Variants in POU4F1 observed in about 807,000 individuals in gnomAD.
POU4F1 encodes POU domain, class 4, transcription factor 1.
In POU4F1, 5 loss-of-function variants were observed where a neutral mutation model predicts 19.8. The ratio of observed to expected loss-of-function variants is 0.25; its 90% CI spans 0.13 to 0.53. The LOEUF is 0.53. POU4F1 is among the 20% of genes least tolerant of loss of function. The probability of loss-of-function intolerance (pLI) is 0.96; values close to 1 mark genes in which losing one functional copy is unlikely to be tolerated. For synonymous variants in POU4F1, 266 were observed against 247.7 expected, an observed-to-expected ratio of 1.07 and a Z score of -0.69; for missense variants, 408 against 511.6, an observed-to-expected ratio of 0.80 and a Z score of 1.95.
chr13:78,601,904 G>T lies in POU4F1; in HGVS notation c.771C>A (p.Ser257=), dbSNP rs548391348. Residue 257 remains serine (S), a synonymous_variant, in exon 2 of 2, where the codon TCC becomes TCA. Coordinates refer to ENST00000377208, the MANE Select transcript of POU4F1 (RefSeq NM_006237.4). ...AAVVGAAGLA[S]ICDSDTDPRE... is the part of the protein sequence containing the mutation. ...GCGGGTCCGTGTCCGAGTCGCAGAT[G>T]GACGCCAGGCCCGCTGCGCCCACCA... 1.9e-5 allele frequency: 29 copies of T among 1,520,248 alleles called. No individual in the cohort carries two copies. The highest frequency in any genetic ancestry group is 2.4e-5 in the Non-Finnish European group (27 of 1,142,256). The allele number at this position is 1,520,248 out of a possible 1,614,324, so 94.2% of individuals were successfully genotyped here.
Position 78,603,393 on chromosome 13 carries a change from C to T in POU4F1, c.-67G>A. The T allele has an allele frequency of 6.6e-7, 1 of 1,516,522 alleles. No homozygotes were observed. The highest frequency in any genetic ancestry group is 8.8e-7 in the Non-Finnish European group (1 of 1,130,198). 93.9% of individuals were successfully genotyped at this position (1,516,522 alleles called of 1,614,324 possible). A position where few individuals can be genotyped will look rare whatever the true frequency, so the allele number is the denominator to read the frequency against. On this transcript the variant is annotated 5_prime_UTR_variant, in exon 1 of 2. Transcript: ENST00000377208. The stretch of plus-strand genomic sequence containing the variant: ...CCGCGGGAAAGTGCGTACGCCGGCT[C>T]ACCCGGCCTCCCTTCGGAGGCTGCA...
chr13:78,603,068 G>C, intron 1 of POU4F1, 136 bp downstream of exon 1: 1 of 649,182 alleles, frequency 1.5e-6, no homozygotes, highest in Non-Finnish European at 2.3e-6. Context: ...AACGTGCCTC[G>C]CTGCGGGACT....
In POU4F1 at chr13:78,601,893, G is replaced by C. The variant is rs1348224609; in HGVS notation, c.782C>G (p.Ser261Trp). Reference protein sequence around the residue: ...GAAGLASICDSDTDPRELEAF... With the variant: ...GAAGLASICDWDTDPRELEAF... ...CTCGAGCTCGCGCGGGTCCGTGTCC[G>C]AGTCGCAGATGGACGCCAGGCCCGC... The change falls in exon 2 of 2, where the codon TCG (serine) becomes TGG (tryptophan). Residue 261 changes from serine to tryptophan, a missense_variant. Ser to Trp is a radical substitution (Grantham distance 177). Around this residue, in one of 4 missense-constraint regions of POU4F1, gnomAD observed 294 missense variants for 288.2 expected, o/e 1.02. Transcript: ENST00000377208. The C allele has an allele frequency of 2.6e-6, 4 of 1,543,638 alleles. No homozygotes were observed. The highest frequency in any genetic ancestry group is 1.9e-5 in the Admixed American group (1 of 52,048).
chr13:78,599,167 A>C lies in POU4F1; in HGVS notation c.*2248T>G, dbSNP rs1030451860. On this transcript the variant is annotated 3_prime_UTR_variant, in exon 2 of 2. Coordinates refer to ENST00000377208, the MANE Select transcript of POU4F1 (RefSeq NM_006237.4). ...AAACACAAAAACGCACCCAAATCATAAAACTGCTCTTCTTTCAGTTATGTT... is the reference window on the plus strand; with the variant it reads ...AAACACAAAAACGCACCCAAATCATCAAACTGCTCTTCTTTCAGTTATGTT... The C allele has an allele frequency of 9.2e-5, 14 of 152,630 alleles. No individual in the cohort carries two copies. Among genetic ancestry groups the C allele is most frequent in the African/African-American group, 3.4e-4 (14 of 41,446 alleles). The allele number at this position is 152,630 out of a possible 1,614,324, so 9.5% of individuals were successfully genotyped here.
Position 78,600,806 on chromosome 13 carries a change from G to A in POU4F1, c.*609C>T, listed in dbSNP as rs1488316446. The A allele has an allele frequency of 6.5e-6, 1 of 152,924 alleles. No individual in the cohort carries two copies. Among genetic ancestry groups the A allele is most frequent in the African/African-American group, 2.4e-5 (1 of 41,438 alleles). 9.5% of individuals were successfully genotyped at this position (152,924 alleles called of 1,614,324 possible). ...CGTTTGGTTTTCGTTTTTCGACTCA[G>A]TTCGTGCGTGTAGGGTTGGGGAGGT... On this transcript the variant is annotated 3_prime_UTR_variant, in exon 2 of 2. Transcript: ENST00000377208.
rs985232338 is a variant in POU4F1 at position 78,598,777 on chromosome 13, G to C, written c.*2638C>G. ...GCCATTCAGTTACTAGGTGTTTTTA[G>C]GGTAGAATATCACATCTAAACCTCC... is the stretch of plus-strand genomic sequence containing the variant. On this transcript the variant is annotated 3_prime_UTR_variant, in exon 2 of 2. Coordinates refer to ENST00000377208, the MANE Select transcript of POU4F1 (RefSeq NM_006237.4). 5.9e-5 allele frequency: 9 copies of C among 152,114 alleles called. No individual in the cohort carries two copies. The highest frequency in any genetic ancestry group is 4.6e-4 in the Admixed American group (7 of 15,274). The allele number at this position is 152,114 out of a possible 1,614,324, so 9.4% of individuals were successfully genotyped here.
chr13:78,601,317 C>A lies in POU4F1; in HGVS notation c.*98G>T. On this transcript the variant is annotated 3_prime_UTR_variant, in exon 2 of 2. Coordinates refer to ENST00000377208, the MANE Select transcript of POU4F1 (RefSeq NM_006237.4). Reference sequence around the variant, plus strand: ...GACTCCCCAAATGCAGGCAGGATAACGGACACTCCAAATCCGAGGGGAGGC... The same window carrying A: ...GACTCCCCAAATGCAGGCAGGATAAAGGACACTCCAAATCCGAGGGGAGGC... 6.5e-7 allele frequency: 1 copy of A among 1,543,122 alleles called. No homozygotes were observed. The highest frequency in any genetic ancestry group is 8.7e-7 in the Non-Finnish European group (1 of 1,147,526).
chr13:78,600,846 T>A lies in POU4F1; in HGVS notation c.*569A>T, dbSNP rs1476331972. ...GTTGGGGAGGTGGTAATAATGGTGG[T>A]GCTCTTTTTTCTCTTCTATGGGGGA... On this transcript the variant is annotated 3_prime_UTR_variant, in exon 2 of 2. Coordinates refer to ENST00000377208, the MANE Select transcript of POU4F1 (RefSeq NM_006237.4). The A allele has an allele frequency of 6.5e-6, 1 of 154,574 alleles. No individual in the cohort carries two copies. Among genetic ancestry groups the A allele is most frequent in the East Asian group, 1.9e-4 (1 of 5,210 alleles). 9.6% of individuals were successfully genotyped at this position (154,574 alleles called of 1,614,324 possible). A position where few individuals can be genotyped will look rare whatever the true frequency, so the allele number is the denominator to read the frequency against.
chr13:78,601,279 G>C lies in POU4F1; in HGVS notation c.*136C>G. 3 of 1,393,718 alleles carry C rather than the reference G, an allele frequency of 2.2e-6. No homozygotes were observed. The highest frequency in any genetic ancestry group is 2.9e-6 in the Non-Finnish European group (3 of 1,048,976). The allele number at this position is 1,393,718 out of a possible 1,614,324, so 86.3% of individuals were successfully genotyped here. A position where few individuals can be genotyped will look rare whatever the true frequency, so the allele number is the denominator to read the frequency against. The stretch of plus-strand genomic sequence containing the variant: ...AAAATCAGAGAATGGGTGGAGGAAA[G>C]AGAGCGAGAAGGGACTCCCCAAATG... On this transcript the variant is annotated 3_prime_UTR_variant, in exon 2 of 2. Coordinates refer to ENST00000377208, the MANE Select transcript of POU4F1 (RefSeq NM_006237.4).
rs1351744169 is a variant in POU4F1, at chr13:78,598,641, A to T, written c.*2774T>A. On this transcript the variant is annotated 3_prime_UTR_variant, in exon 2 of 2. Transcript: ENST00000377208. ...TCTCAACTCTTAAGAAACTTTGTAC[A>T]TTTGGCATCTGATCTAGTCCCAAGT... 1 of 152,218 alleles carries T rather than the reference A, an allele frequency of 6.6e-6. No homozygotes were observed. Among genetic ancestry groups the T allele is most frequent in the African/African-American group, 2.4e-5 (1 of 41,468 alleles). 9.4% of individuals were successfully genotyped at this position (152,218 alleles called of 1,614,324 possible).
At chr13:78,603,170 G>T in intron 1 of POU4F1, 34 bp downstream of exon 1, 1 of 1,330,226 alleles carries the variant, frequency 7.5e-7, no homozygotes. Flanking sequence ...AGGGGCGGGC[G>T]CGCGGGCCGG....
chr13:78,601,457 C>G lies in POU4F1; in HGVS notation c.1218G>C (p.Gln406His). ...KNVVRVWFCNQRQKQKRMKFS... is the reference protein window; with the variant it reads ...KNVVRVWFCNHRQKQKRMKFS... ...ATTTCATCCGCTTCTGCTTCTGTCT[C>G]TGGTTGCAAAACCACACCCGCACCA... Residue 406 changes from glutamine to histidine, a missense_variant, in exon 2 of 2, where the codon CAG becomes CAC. Physicochemically the swap from Gln to His is conservative, Grantham distance 24. This residue lies in a region of POU4F1 where 35 missense variants were observed against 85.9 expected (regional missense o/e 0.41). Transcript: ENST00000377208. The G allele has an allele frequency of 1.2e-6, 2 of 1,613,776 alleles. No homozygotes were observed. The highest frequency in any genetic ancestry group is 8.5e-7 in the Non-Finnish European group (1 of 1,180,024).
At chr13:78,603,102 TC>T (rs1874779163) in intron 1 of POU4F1, 101 bp downstream of exon 1, 1 of 972,990 alleles carries the variant, frequency 1.0e-6, no homozygotes, top group Non-Finnish European at 1.4e-6. Flanking sequence ...TGCCCGCAGT[TC>T]CCCGCACCGG....
Position 78,599,685 on chromosome 13 carries a change from C to T in POU4F1, c.*1730G>A, listed in dbSNP as rs530374171. Reference sequence around the variant, plus strand: ...CATGCATGATTTCAGTCTTGTTAATCGGCAGGTTTTTTTTCTTTTCTCATT... The same window carrying T: ...CATGCATGATTTCAGTCTTGTTAATTGGCAGGTTTTTTTTCTTTTCTCATT... On this transcript the variant is annotated 3_prime_UTR_variant, in exon 2 of 2. Transcript: ENST00000377208. 6.6e-6 allele frequency: 1 copy of T among 152,448 alleles called. No individual in the cohort carries two copies. The highest frequency in any genetic ancestry group is 2.4e-5 in the African/African-American group (1 of 41,414). 9.4% of individuals were successfully genotyped at this position (152,448 alleles called of 1,614,324 possible). A position where few individuals can be genotyped will look rare whatever the true frequency, so the allele number is the denominator to read the frequency against.
Position 78,601,029 on chromosome 13 carries a change from G to A in POU4F1, c.*386C>T, listed in dbSNP as rs898453057. 4.5e-6 allele frequency: 1 copy of A among 221,768 alleles called. No individual in the cohort carries two copies. Among genetic ancestry groups the A allele is most frequent in the African/African-American group, 2.3e-5 (1 of 43,412 alleles). 13.7% of individuals were successfully genotyped at this position (221,768 alleles called of 1,614,324 possible). Reference sequence around the variant, plus strand: ...AGTTCCTTGGTCCCCAGGATATTTAGGTAAGTGTCTCTGGTCAGAAACAGT... The same window carrying A: ...AGTTCCTTGGTCCCCAGGATATTTAAGTAAGTGTCTCTGGTCAGAAACAGT... On this transcript the variant is annotated 3_prime_UTR_variant, in exon 2 of 2. Coordinates refer to ENST00000377208, the MANE Select transcript of POU4F1 (RefSeq NM_006237.4).
intron 1 of POU4F1, among the ~76,000 whole-genome samples, chr13:78,602,884 G>A (rs1874770986): frequency 6.6e-6 from 1 of 152,146 alleles, no homozygotes; most frequent in African/African-American, 2.4e-5. Context: ...CGCAGCTGGG[G>A]ACCCGTGTCA....
In POU4F1 at chr13:78,602,150, GCCGCCGCCCCCCGGGCCGCCA is replaced by G. The variant is rs1413099868; in HGVS notation, c.504_524del (p.Gly175_Gly181del). On this transcript the variant is annotated inframe_deletion, in exon 2 of 2. Coordinates refer to ENST00000377208, the MANE Select transcript of POU4F1 (RefSeq NM_006237.4). ...CCAGGAGCCCGCCGCCCGGGCCGCCGCCGCCGCCCCCCGGGCCGCCACCGCCGCCTCCCCCGGGGCCGCCGC... is the reference window on the plus strand; with the variant it reads ...CCAGGAGCCCGCCGCCCGGGCCGCCGCCGCCGCCTCCCCCGGGGCCGCCGC... 6 of 163,484 alleles carry G rather than the reference GCCGCCGCCCCCCGGGCCGCCA, an allele frequency of 3.7e-5. No homozygotes were observed. The highest frequency in any genetic ancestry group is 4.7e-5 in the Non-Finnish European group (4 of 84,732). 10.1% of individuals were successfully genotyped at this position (163,484 alleles called of 1,614,324 possible). A position where few individuals can be genotyped will look rare whatever the true frequency, so the allele number is the denominator to read the frequency against.
Position 78,602,217 on chromosome 13 carries a change from GGGCCGCCACCGCCCCCCGGGCCGTCGT to G in POU4F1, c.431_457del (p.His144_Gly152del). On this transcript the variant is annotated inframe_deletion, in exon 2 of 2. Coordinates refer to ENST00000377208, the MANE Select transcript of POU4F1 (RefSeq NM_006237.4). ...GCCGCCCGGGCCGCCGCCGCCGCCC[GGGCCGCCACCGCCCCCCGGGCCGTCGT>G]GGGCGCCGCCGCCGCCGGCCGCCGC... 1 of 850,996 alleles carries G rather than the reference GGGCCGCCACCGCCCCCCGGGCCGTCGT, an allele frequency of 1.2e-6. No homozygotes were observed. The highest frequency in any genetic ancestry group is 1.9e-5 in the African/African-American group (1 of 52,754). The allele number at this position is 850,996 out of a possible 1,614,324, so 52.7% of individuals were successfully genotyped here.
At position 78,602,400 on chromosome 13, in the gene POU4F1, G is replaced by GACGTGC; in HGVS notation, c.269_274dup (p.Cys90_Thr91dup). ...GTGCGCCAGAGGCACCGTGGAAGTG[G>GACGTGC]ACGTGCACGGCACGCTGTTCATCGT... On this transcript the variant is annotated inframe_insertion, in exon 2 of 2. Coordinates refer to ENST00000377208, the MANE Select transcript of POU4F1 (RefSeq NM_006237.4). 6.4e-7 allele frequency: 1 copy of GACGTGC among 1,562,888 alleles called. No individual in the cohort carries two copies. Among genetic ancestry groups the GACGTGC allele is most frequent in the Non-Finnish European group, 8.6e-7 (1 of 1,156,712 alleles).
Sources: allele counts gnomAD v4.1 joint callset (sites outside exome capture counted in the v4.1 genomes callset), GRCh38; gene constraint gnomAD v4.1.1; regional missense constraint gnomAD v4.1.1; transcripts MANE v1.5; gene names NCBI Gene and HGNC (gene_info 2026-07-23, HGNC 2026-07-21).